Variants in TARBP1 observed in about 807,000 individuals in gnomAD.
TARBP1 encodes tRNA guanosine 2 -O-methyltransferase TARBP1.
Under a neutral mutation model 178.6 loss-of-function variants are expected in TARBP1, and 144 were observed. That is an observed-to-expected ratio of 0.81 (90% CI 0.70 to 0.93). The LOEUF (loss-of-function observed/expected upper bound fraction) is 0.93, where lower values mean the gene tolerates loss of function less well. TARBP1 is among the 40% of genes least tolerant of loss of function. The pLI, the probability that TARBP1 is intolerant of heterozygous loss-of-function variation, is 0.00. For synonymous variants in TARBP1, 787 were observed against 781.0 expected, an observed-to-expected ratio of 1.01 and a Z score of -0.13; for missense variants, 2,067 against 2,011.7, an observed-to-expected ratio of 1.03 and a Z score of -0.53.
At chr1:234,468,235 A>G (rs1377068882) in intron 3 of TARBP1, among the ~76,000 whole-genome samples, 2 of 151,882 alleles carry the variant, frequency 1.3e-5, no homozygotes, top group Non-Finnish European at 2.9e-5. Flanking sequence ...GATGGATCAC[A>G]TGAGGCCAGG....
At chr1:234,414,205 A>C (rs1662163941) in intron 22 of TARBP1, among the ~76,000 whole-genome samples, 1 of 152,216 alleles carries the variant, frequency 6.6e-6, no homozygotes, top group Non-Finnish European at 1.5e-5. Context: ...AGCCACAGAC[A>C]ATATGAAAAT....
At chr1:234,447,394 C>CATTTTTTTTTTT (rs1666297960) in intron 11 of TARBP1, among the ~76,000 whole-genome samples, 1 of 104,622 alleles carries the variant, frequency 9.6e-6, no homozygotes, top group Non-Finnish European at 1.8e-5. Context: ...TGTTAACCAA[C>CATTTTTTTTTTT]TTTTTTTTTT....
intron 3 of TARBP1, among the ~76,000 whole-genome samples, chr1:234,469,499 GCAA>G (rs1400637869): frequency 6.6e-6 from 1 of 152,206 alleles, no homozygotes; most frequent in Admixed American, 6.5e-5. Flanking sequence ...AGCCCCAGGT[GCAA>G]CTACAGATGC....
intron 26 of TARBP1, among the ~76,000 whole-genome samples, chr1:234,397,958 C>T (rs1233768609): frequency 6.9e-6 from 1 of 145,706 alleles, no homozygotes; most frequent in Non-Finnish European, 1.5e-5. Context: ...GGCGTCCAAC[C>T]AACCAAGAGG....
At chr1:234,400,792 C>A (rs1192492327) in intron 25 of TARBP1, 1 of 156,136 alleles carries the variant, frequency 6.4e-6, no homozygotes, top group African/African-American at 2.4e-5. Context: ...TTGCCATTAA[C>A]AAAAAAGTAT....
At chr1:234,392,159 T>C (rs1332259315) in intron 29 of TARBP1, among the ~76,000 whole-genome samples, 1 of 152,138 alleles carries the variant, frequency 6.6e-6, no homozygotes, top group African/African-American at 2.4e-5. Flanking sequence ...AGGTCAGGAG[T>C]TCGAGACCAG....
intron 12 of TARBP1, among the ~76,000 whole-genome samples, chr1:234,444,355 T>G (rs1167889302): frequency 6.6e-6 from 1 of 152,174 alleles, no homozygotes; most frequent in Non-Finnish European, 1.5e-5. Flanking sequence ...TTCCTCAAAT[T>G]TAAAAGTAAA....
At chr1:234,425,873 T>C (rs1663691099) in intron 19 of TARBP1, 80 bp from the exon 20 acceptor site, 3 of 1,171,468 alleles carry the variant, frequency 2.6e-6, no homozygotes, top group African/African-American at 1.6e-5. Flanking sequence ...TCAAATATCA[T>C]TACACGATCA....
Position 234,446,787 on chromosome 1 carries a change from A to G in TARBP1, c.2134+16T>C. ...CTATATCAAGCAAGATACCAAGAGA[A>G]ACAACTTATCCTCACCATCTTGGGC... On this transcript the variant is annotated intron_variant, in intron 12 of 29. Coordinates refer to ENST00000040877, the MANE Select transcript of TARBP1 (RefSeq NM_005646.4). 6.2e-7 allele frequency: 1 copy of G among 1,610,598 alleles called. No homozygotes were observed. The highest frequency in any genetic ancestry group is 8.5e-7 in the Non-Finnish European group (1 of 1,178,496).
At chr1:234,420,142 T>G (rs868125857) in intron 21 of TARBP1, among the ~76,000 whole-genome samples, 5 of 152,358 alleles carry the variant, frequency 3.3e-5, no homozygotes, top group African/African-American at 7.2e-5. Context: ...GATCGTCCAT[T>G]CAACTGTTTC....
chr1:234,405,256 A>G (rs1661097917), intron 24 of TARBP1: 1 of 152,222 alleles, frequency 6.6e-6, no homozygotes. Context: ...AATCTATGAT[A>G]ATAATAAAAA....
At chr1:234,467,297 A>C (rs532238961) in intron 4 of TARBP1, among the ~76,000 whole-genome samples, 2 of 152,340 alleles carry the variant, frequency 1.3e-5, no homozygotes, top group South Asian at 4.1e-4. Flanking sequence ...CTACTTTTTC[A>C]CAATGGTAAT....
chr1:234,428,585 G>A (rs556275309), intron 17 of TARBP1, among the ~76,000 whole-genome samples: 171 of 149,920 alleles, frequency 1.1e-3, no homozygotes, highest in African/African-American at 4.0e-3. Flanking sequence ...TTGCTCTGTT[G>A]CCCAGGCTGG....
intron 10 of TARBP1, among the ~76,000 whole-genome samples, chr1:234,449,797 C>T (rs1215638109): frequency 6.6e-6 from 1 of 152,094 alleles, no homozygotes; most frequent in Non-Finnish European, 1.5e-5. Context: ...ATGCAATTTT[C>T]CTAAATTATC....
At chr1:234,392,757 C>A (rs1282148921) in intron 28 of TARBP1, 1 of 354,964 alleles carries the variant, frequency 2.8e-6, no homozygotes, top group Non-Finnish European at 5.0e-6. Flanking sequence ...GTCACCCAGG[C>A]TGGAGTGCAG....
At chr1:234,404,320 G>T (rs764879112) in intron 24 of TARBP1, among the ~76,000 whole-genome samples, 1 of 152,008 alleles carries the variant, frequency 6.6e-6, no homozygotes, top group Admixed American at 6.6e-5. Flanking sequence ...CTGTCCCCTG[G>T]TTACCTATCT....
At position 234,479,092 on chromosome 1, in the gene TARBP1, C is replaced by T. The variant is rs1469453183; in HGVS notation, c.12G>A (p.Val4=). MEW[V]LAEALLSQSR... ...TCTGCGAGAGCAGCGCTTCCGCGAG[C>T]ACCCACTCCATTTGCCGAGCGCCCG... Residue 4 remains valine (V), a synonymous_variant, in exon 1 of 30, where the codon GTG becomes GTA. Transcript: ENST00000040877. 1.3e-6 allele frequency: 2 copies of T among 1,534,960 alleles called. No homozygotes were observed. Among genetic ancestry groups the T allele is most frequent in the Non-Finnish European group, 1.7e-6 (2 of 1,154,250 alleles).
At chr1:234,404,466 A>C (rs2103050412) in intron 24 of TARBP1, among the ~76,000 whole-genome samples, 1 of 152,320 alleles carries the variant, frequency 6.6e-6, no homozygotes, top group East Asian at 1.9e-4. Context: ...TAATGTTCAA[A>C]TCTACACATG....
chr1:234,413,199 C>G (rs111257465), intron 22 of TARBP1, among the ~76,000 whole-genome samples: 1 of 152,144 alleles, frequency 6.6e-6, no homozygotes, highest in Non-Finnish European at 1.5e-5. Context: ...GCAAAACTGC[C>G]CAGCCAGGCC....
Sources: gnomAD v4.1 joint callset for allele counts (sites outside exome capture counted in the v4.1 genomes callset) on GRCh38, gnomAD v4.1.1 for gene constraint, MANE v1.5 for transcripts, NCBI Gene and HGNC (gene_info 2026-07-23, HGNC 2026-07-21) for gene names.